ROBO1: variants seen among roughly 807,000 people sequenced by gnomAD.
The protein encoded by ROBO1 is roundabout homolog 1.
A neutral mutation model predicts 195.9 loss-of-function variants in ROBO1; 149 were observed. The ratio of observed to expected loss-of-function variants is 0.76; its 90% CI spans 0.67 to 0.87. The LOEUF (loss-of-function observed/expected upper bound fraction) is 0.87. Among genes scored for constraint, ROBO1 ranks in the 40% least tolerant of loss-of-function variants. The probability of loss-of-function intolerance (pLI) is 0.00; values close to 1 mark genes in which losing one functional copy is unlikely to be tolerated. For missense variants in ROBO1, 1,933 were observed against 2,068.3 expected (o/e 0.93, Z 1.27); for synonymous variants, 816 against 733.2 (o/e 1.11, Z -1.82).
At chr3:79,386,219 T>A (rs959184751) in intron 2 of ROBO1, among the ~76,000 whole-genome samples, 1 of 152,154 alleles carries the variant, frequency 6.6e-6, no homozygotes, top group Non-Finnish European at 1.5e-5. Flanking sequence ...GAAAACAACT[T>A]ACTGTGAACG....
chr3:79,321,766 G>A lies in ROBO1; in HGVS notation c.89-196227C>T, dbSNP rs376256791. On this transcript the variant is annotated intron_variant, in intron 2 of 30. Coordinates refer to ENST00000464233, the MANE Select transcript of ROBO1 (RefSeq NM_002941.4). ...GCAGATCAAAACAGAGAAAGGAGACGGGCTAGATATTTGGGATTGCTCTCC... is the reference window on the plus strand; with the variant it reads ...GCAGATCAAAACAGAGAAAGGAGACAGGCTAGATATTTGGGATTGCTCTCC... Among the ~76,000 whole-genome samples the A allele has an allele frequency of 1.3e-4, 20 of 152,242 alleles. No individual in the cohort carries two copies. The East Asian group carries it at 2.9e-3, about 22-fold the overall frequency.
chr3:79,663,815 C>T lies in ROBO1; in HGVS notation c.-50-73854G>A, dbSNP rs917759298. On this transcript the variant is annotated intron_variant, in intron 1 of 30. Transcript: ENST00000464233. ...GTCTATATCCTGGAATCTCTTCCCACTTCTTTCTTTGTTGGTCTCTTAAAT... is the reference window on the plus strand; with the variant it reads ...GTCTATATCCTGGAATCTCTTCCCATTTCTTTCTTTGTTGGTCTCTTAAAT... Among the ~76,000 whole-genome samples, 61 of 152,094 alleles carry T rather than the reference C, an allele frequency of 4.0e-4. 1 individual carries two copies. Among genetic ancestry groups the T allele is most frequent in the African/African-American group, 1.3e-3 (56 of 41,530 alleles).
chr3:79,735,040 G>T (rs1395263500), intron 1 of ROBO1, among the ~76,000 whole-genome samples: 1 of 152,156 alleles, frequency 6.6e-6, no homozygotes, highest in Non-Finnish European at 1.5e-5. Flanking sequence ...ATACAGAATG[G>T]AATATGTGAA....
intron 2 of ROBO1, among the ~76,000 whole-genome samples, chr3:79,543,919 T>C (rs1942169250): frequency 6.6e-6 from 1 of 152,102 alleles, no homozygotes; most frequent in African/African-American, 2.4e-5. Flanking sequence ...TGTGTTTCCT[T>C]TTAAGCTTAA....
rs543277423 is a variant in ROBO1, at chr3:78,950,147, C to T, written c.173-11220G>A. On this transcript the variant is annotated intron_variant, in intron 3 of 30. Coordinates refer to ENST00000464233, the MANE Select transcript of ROBO1 (RefSeq NM_002941.4). The stretch of plus-strand genomic sequence containing the variant: ...AACTAGAAATACCATTTGAACCAGC[C>T]ATCCCATTACTGGGTATATACCCAA... Among the ~76,000 whole-genome samples the T allele has an allele frequency of 2.0e-5, 3 of 152,160 alleles. No homozygotes were observed. In the South Asian group the frequency reaches 6.2e-4, roughly 32 times the overall value.
In ROBO1 at chr3:78,898,488, C is replaced by T. The variant is rs559234916; in HGVS notation, c.499+40113G>A. Among the ~76,000 whole-genome samples, 31 of 147,326 alleles carry T rather than the reference C, an allele frequency of 2.1e-4. No individual in the cohort carries two copies. The South Asian group carries it at 4.8e-3, about 23-fold the overall frequency. ...CTGCAACCTCCGTCTCCTGGGTTCA[C>T]GCAATTCTCCTGCCTCGGCCTCCCA... On this transcript the variant is annotated intron_variant, in intron 4 of 30. Coordinates refer to ENST00000464233, the MANE Select transcript of ROBO1 (RefSeq NM_002941.4).
intron 4 of ROBO1, among the ~76,000 whole-genome samples, chr3:78,758,002 A>G (rs1243285354): frequency 6.6e-6 from 1 of 152,184 alleles, no homozygotes; most frequent in Non-Finnish European, 1.5e-5. Flanking sequence ...GCGATTGTGT[A>G]GCTGCGTGAG....
chr3:79,542,687 G>C (rs897638637), intron 2 of ROBO1, among the ~76,000 whole-genome samples: 1 of 152,004 alleles, frequency 6.6e-6, no homozygotes, highest in Non-Finnish European at 1.5e-5. Context: ...TGCATTTAAT[G>C]AATGTGATAA....
intron 2 of ROBO1, among the ~76,000 whole-genome samples, chr3:79,559,689 C>A (rs891947892): frequency 2.6e-5 from 4 of 152,010 alleles, no homozygotes; most frequent in African/African-American, 9.7e-5. Context: ...GAGGTTGAGG[C>A]GGGCAGATTA....
At chr3:79,002,582 A>C (rs1024173046) in intron 3 of ROBO1, among the ~76,000 whole-genome samples, 1 of 152,128 alleles carries the variant, frequency 6.6e-6, no homozygotes, top group African/African-American at 2.4e-5. Flanking sequence ...AAATGTGATA[A>C]TTATTTATTA....
intron 3 of ROBO1, among the ~76,000 whole-genome samples, chr3:78,944,968 G>A (rs1409853998): frequency 1.3e-5 from 2 of 152,198 alleles, no homozygotes; most frequent in Non-Finnish European, 2.9e-5. Context: ...CTTGGGGAGG[G>A]GTGCCCGCCA....
chr3:78,611,534 G>T (rs1295434371), intron 28 of ROBO1, among the ~76,000 whole-genome samples: 1 of 152,180 alleles, frequency 6.6e-6, no homozygotes, highest in Non-Finnish European at 1.5e-5. Context: ...CCGCCTGTCA[G>T]TGTGACTGTA....
chr3:78,636,402 T>C (rs1705504935), intron 22 of ROBO1, among the ~76,000 whole-genome samples: 1 of 152,150 alleles, frequency 6.6e-6, no homozygotes, highest in African/African-American at 2.4e-5. Flanking sequence ...AATAACCTCA[T>C]TAATAGGAAT....
intron 3 of ROBO1, among the ~76,000 whole-genome samples, chr3:78,982,003 T>C (rs1323246917): frequency 6.6e-6 from 1 of 152,124 alleles, no homozygotes; most frequent in African/African-American, 2.4e-5. Context: ...GACAGCCTTG[T>C]TCTGTATTCT....
At chr3:79,509,960 T>G (rs972075434) in intron 2 of ROBO1, among the ~76,000 whole-genome samples, 1 of 152,066 alleles carries the variant, frequency 6.6e-6, no homozygotes, top group African/African-American at 2.4e-5. Flanking sequence ...TGCAAAGTCT[T>G]TATCATCACA....
At chr3:78,858,854 C>T (rs1440981037) in intron 4 of ROBO1, among the ~76,000 whole-genome samples, 5 of 151,094 alleles carry the variant, frequency 3.3e-5, no homozygotes, top group Non-Finnish European at 5.9e-5. Context: ...CAAAACACTT[C>T]ATCTAATGAA....
At chr3:79,327,828 C>G (rs1268730044) in intron 2 of ROBO1, among the ~76,000 whole-genome samples, 1 of 152,150 alleles carries the variant, frequency 6.6e-6, no homozygotes, top group Non-Finnish European at 1.5e-5. Context: ...CAGACAAAAT[C>G]TGCTTCTTTT....
chr3:78,683,198 G>A (rs1335280588), intron 10 of ROBO1, among the ~76,000 whole-genome samples: 1 of 151,930 alleles, frequency 6.6e-6, no homozygotes, highest in African/African-American at 2.4e-5. Flanking sequence ...CAAAATATGT[G>A]CAAAGCCTTT....
intron 2 of ROBO1, among the ~76,000 whole-genome samples, chr3:79,377,862 T>C (rs2036438273): frequency 6.6e-6 from 1 of 152,164 alleles, no homozygotes; most frequent in Non-Finnish European, 1.5e-5. Flanking sequence ...TAAAACTATT[T>C]TGAATGTTTA....
Sources: allele counts gnomAD v4.1 joint callset (sites outside exome capture counted in the v4.1 genomes callset), GRCh38; gene constraint gnomAD v4.1.1; transcripts MANE v1.5; gene names NCBI Gene and HGNC (gene_info 2026-07-23, HGNC 2026-07-21).